CHD9: variants seen among roughly 807,000 people sequenced by gnomAD.
The protein encoded by CHD9 is ATP-dependent chromatin remodeler CHD9.
In CHD9, 77 loss-of-function variants were observed where a neutral mutation model predicts 316.1. The observed-to-expected ratio is 0.24, with a 90% CI of 0.20 to 0.29. The LOEUF (loss-of-function observed/expected upper bound fraction) is 0.29, where lower values mean the gene tolerates loss of function less well. Ranked by LOEUF, CHD9 falls within the 10% of genes least tolerant of loss-of-function variation. CHD9 has a pLI of 1.00. For missense variants in CHD9, 2,763 were observed against 3,438.1 expected (o/e 0.80, Z 4.91); for synonymous variants, 1,129 against 1,158.3 (o/e 0.97, Z 0.51).
chr16:53,217,753 T>C (rs1018882005), intron 3 of CHD9, among the ~76,000 whole-genome samples: 3 of 152,054 alleles, frequency 2.0e-5, no homozygotes, highest in Admixed American at 6.5e-5. Flanking sequence ...TCTAGATAGA[T>C]AGATCATTTT....
chr16:53,303,591 A>G (rs1400364307), intron 30 of CHD9, 129 bp from the exon 31 acceptor site: 2 of 605,394 alleles, frequency 3.3e-6, no homozygotes, highest in African/African-American at 3.8e-5. Flanking sequence ...GAAACTATAC[A>G]GTGATATTGC....
intron 12 of CHD9, among the ~76,000 whole-genome samples, chr16:53,240,756 A>G (rs1047990106): frequency 2.6e-5 from 4 of 152,186 alleles, no homozygotes; most frequent in East Asian, 1.9e-4. Context: ...ACATTTATCA[A>G]GTATTTAACA....
rs145903954 is a variant in CHD9, at chr16:53,260,421, A to G, written c.4210-2566A>G. ...TTGAGACCAAGAGCTAGAGGCTGCA[A>G]TGAGCCATGATCATACAGCTGTACT... On this transcript the variant is annotated intron_variant, in intron 19 of 38. Transcript: ENST00000447540. Among the ~76,000 whole-genome samples, 355 of 152,228 alleles carry G rather than the reference A, an allele frequency of 2.3e-3. 1 individual carries two copies. In the Middle Eastern group the frequency reaches 0.031, roughly 13 times the overall value.
intron 2 of CHD9, among the ~76,000 whole-genome samples, chr16:53,188,720 G>A (rs539274329): frequency 1.7e-3 from 228 of 137,014 alleles, no homozygotes; most frequent in African/African-American, 5.8e-3. Context: ...TCAGCCTCCC[G>A]AGTAGCTGCA....
Position 53,268,711 on chromosome 16 carries a change from A to G in CHD9, c.4717+585A>G, listed in dbSNP as rs1027234003. ...TAGGCCTCAGATTTACTGAATAAGA[A>G]TCTGCATTTTAACAAGATCCATAGG... On this transcript the variant is annotated intron_variant, in intron 22 of 38. Transcript: ENST00000447540. Among the ~76,000 whole-genome samples the G allele has an allele frequency of 2.0e-5, 3 of 152,226 alleles. No individual in the cohort carries two copies. In the South Asian group the frequency reaches 6.2e-4, roughly 32 times the overall value.
intron 1 of CHD9, among the ~76,000 whole-genome samples, chr16:53,146,419 G>GTATGTGTATATATATATCTATATATATA (rs59577921): frequency 1.3e-5 from 1 of 76,714 alleles, no homozygotes; most frequent in Non-Finnish European, 2.4e-5. Context: ...GTGTGTGTAT[G>GTATGTGTATATATATATCTATATATATA]TATATATATA....
chr16:53,216,510 G>A (rs1225692849), intron 3 of CHD9, among the ~76,000 whole-genome samples: 2 of 152,132 alleles, frequency 1.3e-5, no homozygotes. Context: ...AATAAGGTAT[G>A]TTGGAACTCA....
intron 22 of CHD9, among the ~76,000 whole-genome samples, chr16:53,271,492 C>A (rs2052257837): frequency 6.6e-6 from 1 of 151,562 alleles, no homozygotes; most frequent in Non-Finnish European, 1.5e-5. Flanking sequence ...TCACTTGAAC[C>A]TGGGAGGCGG....
chr16:53,305,777 A>T (rs1287232376), intron 31 of CHD9, among the ~76,000 whole-genome samples: 29 of 152,080 alleles, frequency 1.9e-4, no homozygotes, highest in Admixed American at 1.9e-3. Flanking sequence ...TCTTGTAACA[A>T]CTCCATAGGC....
At position 53,267,332 on chromosome 16, in the gene CHD9, A is replaced by G. The variant is rs886358014; in HGVS notation, c.4359A>G (p.Gln1453=). 5.6e-6 allele frequency: 9 copies of G among 1,612,074 alleles called. No individual in the cohort carries two copies. The highest frequency in any genetic ancestry group is 5.9e-6 in the Non-Finnish European group (7 of 1,178,890). ...TTGACACTCCAAGAATTAGGAAGCA[A>G]ACAAGACCTTTTAGTGCCACAAAAG... ...LVIDTPRIRK[Q]TRPFSATKDE... Residue 1453 remains glutamine, a synonymous_variant, in exon 21 of 39, where the codon CAA becomes CAG. Transcript: ENST00000447540.
At chr16:53,193,590 G>A (rs2044654893) in intron 2 of CHD9, among the ~76,000 whole-genome samples, 1 of 151,926 alleles carries the variant, frequency 6.6e-6, no homozygotes, top group African/African-American at 2.4e-5. Flanking sequence ...CATCTTCTTT[G>A]GTAAAGTGTC....
At position 53,321,544 on chromosome 16, in the gene CHD9, C is replaced by A; in HGVS notation, c.7732C>A (p.Pro2578Thr). Residue 2578 changes from proline (P) to threonine (T), a missense_variant, in exon 38 of 39, where the codon CCC (proline) becomes ACC (threonine). Physicochemically the swap from Pro to Thr is conservative, Grantham distance 38. Around this residue, in one of 15 missense-constraint regions of CHD9, gnomAD observed 298 missense variants for 380.2 expected, o/e 0.78. Coordinates refer to ENST00000447540, the MANE Select transcript of CHD9 (RefSeq NM_001308319.2). ...NARKVGGAFA[P>T]PLKDLCRFLK... ...TTTACAGGTTGGAGGTGCATTTGCT[C>A]CCCCTTTGAAAGATTTATGTAGATT... 1 of 1,541,816 alleles carries A rather than the reference C, an allele frequency of 6.5e-7. No individual in the cohort carries two copies. The highest frequency in any genetic ancestry group is 1.9e-5 in the Admixed American group (1 of 52,582).
chr16:53,093,697 A>G (rs2036143470), intron 1 of CHD9, among the ~76,000 whole-genome samples: 1 of 152,170 alleles, frequency 6.6e-6, no homozygotes, highest in South Asian at 2.1e-4. Flanking sequence ...GATTGTCCGC[A>G]TTGTACAGAT....
rs140783375 is a variant in CHD9 at position 53,157,359 on chromosome 16, G to A, written c.1270G>A (p.Gly424Arg). Residue 424 changes from glycine to arginine, a missense_variant, in exon 2 of 39, where the codon GGA becomes AGA. Transcript: ENST00000447540. Reference protein sequence around the residue: ...LLPHFDESTFGQDNSSHILDH... With the variant: ...LLPHFDESTFRQDNSSHILDH... Reference sequence around the variant, plus strand: ...TCCTCACTTTGATGAGTCAACATTCGGACAAGATAATTCAAGTCACATTTT... The same window carrying A: ...TCCTCACTTTGATGAGTCAACATTCAGACAAGATAATTCAAGTCACATTTT... 124 of 1,613,886 alleles carry A rather than the reference G, an allele frequency of 7.7e-5. No homozygotes were observed. Among genetic ancestry groups the A allele is most frequent in the South Asian group, 2.1e-4 (19 of 91,072 alleles).
chr16:53,220,849 C>T (rs891235563), intron 3 of CHD9, among the ~76,000 whole-genome samples: 2 of 152,208 alleles, frequency 1.3e-5, no homozygotes, highest in Non-Finnish European at 2.9e-5. Context: ...TCTCCTCACT[C>T]TTCTGTGGTA....
intron 17 of CHD9, among the ~76,000 whole-genome samples, chr16:53,253,489 C>T (rs1340562404): frequency 6.6e-6 from 1 of 152,036 alleles, no homozygotes; most frequent in Non-Finnish European, 1.5e-5. Context: ...AAATATAGTG[C>T]AGTGTATACT....
rs74869161 is a variant in CHD9 at position 53,302,509 on chromosome 16, C to T, written c.5714-1211C>T. ...AATTGTGTGGTTAAGGTAGTTTATG[C>T]TGCATTTGGCCAGTGTAAAATTACT... On this transcript the variant is annotated intron_variant, in intron 30 of 38. Coordinates refer to ENST00000447540, the MANE Select transcript of CHD9 (RefSeq NM_001308319.2). Among the ~76,000 whole-genome samples the T allele has an allele frequency of 9.2e-4, 140 of 152,302 alleles. 1 individual carries two copies. The East Asian group carries it at 0.021, about 23-fold the overall frequency.
At chr16:53,147,357 TAA>T (rs2040716525) in intron 1 of CHD9, among the ~76,000 whole-genome samples, 1 of 152,238 alleles carries the variant, frequency 6.6e-6, no homozygotes, top group South Asian at 2.1e-4. Flanking sequence ...TTTTTAATTG[TAA>T]GATCCATTTG....
At chr16:53,129,423 A>G (rs921728088) in intron 1 of CHD9, among the ~76,000 whole-genome samples, 2 of 152,222 alleles carry the variant, frequency 1.3e-5, no homozygotes, top group Admixed American at 1.3e-4. Context: ...CAGGGAATCA[A>G]AGTTGGAACT....
Sources: gnomAD v4.1 joint callset for allele counts (sites outside exome capture counted in the v4.1 genomes callset) on GRCh38, gnomAD v4.1.1 for gene constraint, gnomAD v4.1.1 regional missense constraint, MANE v1.5 for transcripts, NCBI Gene and HGNC (gene_info 2026-07-23, HGNC 2026-07-21) for gene names.